The following ANKRD17 variants were observed in gnomAD, a reference collection of about 807,000 sequenced individuals.
ANKRD17 encodes the protein ankyrin repeat domain-containing protein 17.
In ANKRD17, 19 loss-of-function variants were observed where a neutral mutation model predicts 229.7. That is an observed-to-expected ratio of 0.08 (90% confidence interval 0.06 to 0.12). The LOEUF (loss-of-function observed/expected upper bound fraction) is 0.12. Ranked by LOEUF, ANKRD17 falls within the 10% of genes least tolerant of loss-of-function variation. The pLI is 1.00. For synonymous variants in ANKRD17, 1,112 were observed against 1,146.1 expected, an observed-to-expected ratio of 0.97 and a Z score of 0.60; for missense variants, 2,176 against 3,176.8, an observed-to-expected ratio of 0.68 and a Z score of 7.57.
intron 1 of ANKRD17, among the ~76,000 whole-genome samples, chr4:73,246,042 T>G (rs142268529): frequency 5.3e-5 from 8 of 152,202 alleles, no homozygotes; most frequent in Admixed American, 2.0e-4. Context: ...TGTCACACCC[T>G]CCAATGCCTA....
intron 1 of ANKRD17, among the ~76,000 whole-genome samples, chr4:73,179,486 GTGTATATATATATA>G (rs1267864073): frequency 8.3e-5 from 5 of 60,004 alleles, no homozygotes; most frequent in African/African-American, 3.0e-4. Context: ...GTGTGTGTGT[GTGTATATATATATA>G]TATATATATA....
chr4:73,211,771 C>A (rs1285998277), intron 1 of ANKRD17, among the ~76,000 whole-genome samples: 1 of 149,550 alleles, frequency 6.7e-6, no homozygotes, highest in Non-Finnish European at 1.5e-5. Context: ...CACTTGAACC[C>A]GGGAGGCAGA....
rs776608239 is a variant in ANKRD17, at chr4:73,118,676, A to AAAG, written c.4188+9_4188+11dup. 3.1e-6 allele frequency: 5 copies of AAAG among 1,613,402 alleles called. No individual in the cohort carries two copies. Among genetic ancestry groups the AAAG allele is most frequent in the Non-Finnish European group, 4.2e-6 (5 of 1,179,536 alleles). On this transcript the variant is annotated intron_variant, in intron 22 of 33. Coordinates refer to ENST00000358602, the MANE Select transcript of ANKRD17 (RefSeq NM_032217.5). ...AAAAACATCCAGGTAAATGAGGATG[A>AAAG]AAGACTTATACCTTTCTAAATGCTG...
intron 15 of ANKRD17, among the ~76,000 whole-genome samples, chr4:73,138,227 C>G (rs542144761): frequency 6.6e-6 from 1 of 152,150 alleles, no homozygotes; most frequent in Non-Finnish European, 1.5e-5. Context: ...TAGTGACTTT[C>G]AAATCTATAG....
chr4:73,171,178 G>GGGGA (rs1553928534), intron 2 of ANKRD17, among the ~76,000 whole-genome samples: 30 of 104,502 alleles, frequency 2.9e-4, no homozygotes, highest in East Asian at 1.9e-3. Context: ...CTCAGAGGGG[G>GGGGA]GAGAGAGAGA....
At chr4:73,096,035 C>T (rs1723263962) in intron 27 of ANKRD17, among the ~76,000 whole-genome samples, 1 of 152,068 alleles carries the variant, frequency 6.6e-6, no homozygotes. Flanking sequence ...AAAAGAAATA[C>T]AGTATAAAGT....
chr4:73,086,944 A>ATC (rs1722248052), intron 29 of ANKRD17, among the ~76,000 whole-genome samples: 3 of 90,448 alleles, frequency 3.3e-5, no homozygotes, highest in African/African-American at 1.3e-4. Context: ...ATATATATAT[A>ATC]TATATATATC....
chr4:73,097,066 C>T (rs749092944), intron 27 of ANKRD17, 51 bp downstream of exon 27: 1 of 1,553,616 alleles, frequency 6.4e-7, no homozygotes, highest in South Asian at 1.2e-5. Context: ...GTAGATAACA[C>T]TTGACTGTGA....
chr4:73,249,538 G>T (rs1174016980), intron 1 of ANKRD17, among the ~76,000 whole-genome samples: 1 of 152,254 alleles, frequency 6.6e-6, no homozygotes, highest in Admixed American at 6.5e-5. Flanking sequence ...GTTTGAGTAT[G>T]AAGTAATAAG....
intron 1 of ANKRD17, among the ~76,000 whole-genome samples, chr4:73,236,935 A>G (rs1743562735): frequency 1.3e-5 from 2 of 152,186 alleles, no homozygotes. Context: ...AACTCTTTCC[A>G]TATCATGCTT....
At chr4:73,234,398 T>G (rs1428180859) in intron 1 of ANKRD17, among the ~76,000 whole-genome samples, 5 of 152,246 alleles carry the variant, frequency 3.3e-5, no homozygotes, top group Admixed American at 3.3e-4. Context: ...CTGAGGTTGG[T>G]TGTTCTTTTA....
At chr4:73,222,898 C>A (rs1372047117) in intron 1 of ANKRD17, 3 of 1,190,122 alleles carry the variant, frequency 2.5e-6, no homozygotes, top group Non-Finnish European at 3.6e-6. Flanking sequence ...ATCTATTCAT[C>A]TGTAAAATAA....
chr4:73,190,687 C>A (rs1736952400), intron 1 of ANKRD17, among the ~76,000 whole-genome samples: 1 of 151,582 alleles, frequency 6.6e-6, no homozygotes, highest in South Asian at 2.1e-4. Context: ...AGAGAAGCAA[C>A]TGAAAACTAA....
chr4:73,124,793 TCA>T (rs1727220797), intron 18 of ANKRD17, 118 bp downstream of exon 18: 1 of 1,236,374 alleles, frequency 8.1e-7, no homozygotes, highest in African/African-American at 1.5e-5. Context: ...GATAATAGTT[TCA>T]GTTATTGTGA....
At chr4:73,156,916 T>C (rs1044527176) in intron 3 of ANKRD17, among the ~76,000 whole-genome samples, 1 of 151,988 alleles carries the variant, frequency 6.6e-6, no homozygotes, top group Non-Finnish European at 1.5e-5. Flanking sequence ...ATATGATTCA[T>C]AACAAAAAGG....
intron 24 of ANKRD17, among the ~76,000 whole-genome samples, chr4:73,106,904 C>T (rs1410375622): frequency 8.7e-6 from 1 of 114,674 alleles, no homozygotes; most frequent in Non-Finnish European, 1.8e-5. Context: ...AAAAAAAAAG[C>T]GAAACTGTAA....
At chr4:73,179,484 GTGTGTATATA>G (rs1319389014) in intron 1 of ANKRD17, among the ~76,000 whole-genome samples, 2 of 65,682 alleles carry the variant, frequency 3.0e-5, no homozygotes, top group South Asian at 5.2e-4. Context: ...GTGTGTGTGT[GTGTGTATATA>G]TATATATATA....
At chr4:73,143,479 A>G (rs1322169496) in intron 11 of ANKRD17, among the ~76,000 whole-genome samples, 2 of 152,224 alleles carry the variant, frequency 1.3e-5, no homozygotes, top group East Asian at 1.9e-4. Flanking sequence ...AAATGGAAAT[A>G]AAACAGCAGA....
intron 25 of ANKRD17, chr4:73,099,263 G>C (rs1169067981): frequency 1.8e-6 from 1 of 553,320 alleles, no homozygotes; most frequent in Non-Finnish European, 3.3e-6. Flanking sequence ...ACTGCCTCCG[G>C]CTGCCACCCC....
Sources: gnomAD v4.1 joint callset for allele counts (sites outside exome capture counted in the v4.1 genomes callset) on GRCh38, gnomAD v4.1.1 for gene constraint, MANE v1.5 for transcripts, NCBI Gene and HGNC (gene_info 2026-07-23, HGNC 2026-07-21) for gene names.